The following COX16 variants were observed in gnomAD, a reference collection of about 807,000 sequenced individuals.
COX16 encodes cytochrome c oxidase assembly protein COX16 homolog, mitochondrial.
A neutral mutation model predicts 15.4 loss-of-function variants in COX16; 12 were observed. The observed-to-expected ratio is 0.78, with a 90% confidence interval of 0.50 to 1.26. COX16 has a LOEUF of 1.26. COX16 is among the 50% of genes most tolerant of loss of function. The pLI, the probability that COX16 is intolerant of heterozygous loss-of-function variation, is 0.00. For missense variants in COX16, 124 were observed against 127.6 expected (o/e 0.97, Z 0.14); for synonymous variants, 46 against 41.1 (o/e 1.12, Z -0.46).
At chr14:70,359,489 C>G (rs898151607) in intron 1 of COX16, 30 bp downstream of exon 1, 1 of 1,599,376 alleles carries the variant, frequency 6.3e-7, no homozygotes, top group Non-Finnish European at 8.6e-7. Flanking sequence ...GGTCCCACCC[C>G]TTGCGGAAGA....
intron 1 of COX16, among the ~76,000 whole-genome samples, chr14:70,358,241 T>A (rs966970219): frequency 6.6e-6 from 1 of 152,144 alleles, no homozygotes; most frequent in Non-Finnish European, 1.5e-5. Context: ...GGGAAGTGAC[T>A]ACTATTAGTT....
chr14:70,354,940 C>A (rs776316736), intron 1 of COX16, among the ~76,000 whole-genome samples: 1 of 151,950 alleles, frequency 6.6e-6, no homozygotes, highest in Non-Finnish European at 1.5e-5. Flanking sequence ...TCATTTATCT[C>A]CAATCTTCTC....
chr14:70,339,583 C>T (rs1886563835), intron 2 of COX16, among the ~76,000 whole-genome samples: 1 of 152,118 alleles, frequency 6.6e-6, no homozygotes, highest in Admixed American at 6.6e-5. Context: ...CCCCCTTGAC[C>T]TCAGCAATTT....
chr14:70,344,863 C>A (rs538889436), intron 1 of COX16, among the ~76,000 whole-genome samples: 3 of 152,182 alleles, frequency 2.0e-5, no homozygotes, highest in Non-Finnish European at 2.9e-5. Context: ...GACTAGGACA[C>A]TTCCTGTTTA....
At chr14:70,354,841 C>CGTGTGCGTGTGT (rs1555345908) in intron 1 of COX16, among the ~76,000 whole-genome samples, 1 of 148,880 alleles carries the variant, frequency 6.7e-6, no homozygotes, top group African/African-American at 2.5e-5. Flanking sequence ...TGTGTGTGTG[C>CGTGTGCGTGTGT]GTGTGTGTGT....
At chr14:70,327,069 T>C (rs1886103550) in intron 3 of COX16, among the ~76,000 whole-genome samples, 1 of 152,230 alleles carries the variant, frequency 6.6e-6, no homozygotes, top group Non-Finnish European at 1.5e-5. Context: ...TAAATGTTTC[T>C]TCACCTTTCT....
chr14:70,345,021 CG>C (rs1179443147), intron 1 of COX16, among the ~76,000 whole-genome samples: 2 of 152,038 alleles, frequency 1.3e-5, no homozygotes, highest in African/African-American at 2.4e-5. Context: ...GGGTTCCAAC[CG>C]ATACAAGAAC....
intron 2 of COX16, among the ~76,000 whole-genome samples, chr14:70,337,294 G>A (rs1243855546): frequency 6.6e-6 from 1 of 152,064 alleles, no homozygotes; most frequent in Non-Finnish European, 1.5e-5. Context: ...AGAGGTTCCA[G>A]ATGATATTGT....
At chr14:70,334,706 A>T (rs1361437436) in intron 2 of COX16, among the ~76,000 whole-genome samples, 3 of 152,208 alleles carry the variant, frequency 2.0e-5, no homozygotes, top group African/African-American at 7.2e-5. Flanking sequence ...AAAATCCGTA[A>T]CAGATACACT....
rs144843758 is a variant in COX16, at chr14:70,332,285, A to G, written c.142-3049T>C. On this transcript the variant is annotated intron_variant, in intron 2 of 3. Transcript: ENST00000389912. ...ACAAGGACCCAAAGGGAGACTCAACATATCTGGCAGCCCAGGAGTATAGGC... is the reference window on the plus strand; with the variant it reads ...ACAAGGACCCAAAGGGAGACTCAACGTATCTGGCAGCCCAGGAGTATAGGC... Among the ~76,000 whole-genome samples, 849 of 152,320 alleles carry G rather than the reference A, an allele frequency of 5.6e-3. 8 individuals are homozygous for G. Among genetic ancestry groups the G allele is most frequent in the African/African-American group, 0.019 (787 of 41,570 alleles).
At chr14:70,330,597 C>T (rs759565404) in intron 2 of COX16, among the ~76,000 whole-genome samples, 1 of 152,084 alleles carries the variant, frequency 6.6e-6, no homozygotes, top group Non-Finnish European at 1.5e-5. Context: ...AGCAACATAC[C>T]AAAAAGACAG....
intron 2 of COX16, among the ~76,000 whole-genome samples, chr14:70,338,552 A>C (rs1233961818): frequency 6.6e-6 from 1 of 152,192 alleles, no homozygotes; most frequent in Non-Finnish European, 1.5e-5. Context: ...CAGTATACAT[A>C]GGAGGTCAAC....
chr14:70,345,812 T>C (rs367951029), intron 1 of COX16, among the ~76,000 whole-genome samples: 1 of 152,150 alleles, frequency 6.6e-6, no homozygotes, highest in African/African-American at 2.4e-5. Context: ...CTCCCGACCC[T>C]ACCTCATTTT....
intron 2 of COX16, among the ~76,000 whole-genome samples, chr14:70,336,674 G>A (rs1886466619): frequency 6.6e-6 from 1 of 152,162 alleles, no homozygotes; most frequent in Admixed American, 6.5e-5. Flanking sequence ...CTGTATTATT[G>A]AGAGATATAT....
chr14:70,341,851 CTGTG>C (rs372733080), intron 2 of COX16, among the ~76,000 whole-genome samples: 4 of 151,750 alleles, frequency 2.6e-5, no homozygotes, highest in Non-Finnish European at 5.9e-5. Flanking sequence ...CAAGGATCAT[CTGTG>C]TGTGTGTGAG....
intron 1 of COX16, among the ~76,000 whole-genome samples, chr14:70,357,159 A>C (rs2332365): frequency 0.52 from 4,752 of 9,200 alleles, 944 homozygotes; most frequent in East Asian, 0.81. Context: ...AGCGTTTGTC[A>C]AAAAAAAAAA....
intron 2 of COX16, among the ~76,000 whole-genome samples, chr14:70,333,114 C>CA (rs1428860275): frequency 6.6e-6 from 1 of 152,198 alleles, no homozygotes; most frequent in Non-Finnish European, 1.5e-5. Context: ...CAGGCACAAA[C>CA]AAAACCAGAC....
chr14:70,340,746 C>T (rs995792293), intron 2 of COX16, among the ~76,000 whole-genome samples: 2 of 152,186 alleles, frequency 1.3e-5, no homozygotes, highest in African/African-American at 4.8e-5. Context: ...GAAACACTGA[C>T]CATGTGCCCA....
chr14:70,353,526 T>G (rs1233592786), intron 1 of COX16, among the ~76,000 whole-genome samples: 3 of 151,696 alleles, frequency 2.0e-5, no homozygotes, highest in South Asian at 2.1e-4. Flanking sequence ...ACATATTTTT[T>G]TGTGTGTGGC....
Sources: gnomAD v4.1 joint callset for allele counts (sites outside exome capture counted in the v4.1 genomes callset) on GRCh38, gnomAD v4.1.1 for gene constraint, MANE v1.5 for transcripts, NCBI Gene and HGNC (gene_info 2026-07-23, HGNC 2026-07-21) for gene names.